The following GADL1 variants were observed in gnomAD, a reference collection of about 807,000 sequenced individuals.
The protein encoded by GADL1 is acidic amino acid decarboxylase GADL1.
Under a neutral mutation model 69.5 loss-of-function variants are expected in GADL1, and 71 were observed. That is an observed-to-expected ratio of 1.02 (90% CI 0.84 to 1.25). GADL1 has a LOEUF of 1.25. Among genes scored for constraint, GADL1 ranks in the 50% most tolerant of loss-of-function variants. GADL1 has a pLI of 0.00. For missense variants in GADL1, 737 were observed against 631.8 expected (o/e 1.17, Z -1.79); for synonymous variants, 254 against 214.4 (o/e 1.18, Z -1.62).
intron 11 of GADL1, among the ~76,000 whole-genome samples, chr3:30,829,353 A>G (rs1409469422): frequency 6.6e-6 from 1 of 151,942 alleles, no homozygotes; most frequent in Non-Finnish European, 1.5e-5. Context: ...ACTACCAGTC[A>G]ATCAGGAAAT....
intron 4 of GADL1, among the ~76,000 whole-genome samples, 164 bp from the exon 5 acceptor site, chr3:30,851,105 G>A (rs1192205743): frequency 6.6e-6 from 1 of 152,208 alleles, no homozygotes; most frequent in Non-Finnish European, 1.5e-5. Flanking sequence ...ATCAGTGACA[G>A]CACTAGTCAT....
At chr3:30,868,100 G>C (rs890801582) in intron 1 of GADL1, among the ~76,000 whole-genome samples, 1 of 151,976 alleles carries the variant, frequency 6.6e-6, no homozygotes, top group Admixed American at 6.6e-5. Flanking sequence ...CTTTTCCTGA[G>C]AGTGACTCCA....
chr3:30,779,437 CAT>C (rs1216355169), intron 13 of GADL1, among the ~76,000 whole-genome samples: 3 of 152,346 alleles, frequency 2.0e-5, no homozygotes, highest in African/African-American at 2.4e-5. Flanking sequence ...CCCATCATCT[CAT>C]ATCTTAATAA....
chr3:30,728,337 T>C lies in GADL1; in HGVS notation c.1471A>G (p.Asn491Asp). The C allele has an allele frequency of 6.2e-7, 1 of 1,613,896 alleles. No homozygotes were observed. Among genetic ancestry groups the C allele is most frequent in the Non-Finnish European group, 8.5e-7 (1 of 1,179,840 alleles). ...CTGATCACCACCTGGCGGAAGAAGT[T>C]GACCTTTCCCCGGTGCGGCTGGTAG... ...LGYQPHRGKV[N>D]FFRQVVISPQ... Residue 491 changes from asparagine (N) to aspartate (D), a missense_variant, in exon 15 of 15, where the codon AAC becomes GAC. Coordinates refer to ENST00000282538, the MANE Select transcript of GADL1 (RefSeq NM_207359.3).
At chr3:30,739,004 GC>G (rs1695577995) in intron 14 of GADL1, among the ~76,000 whole-genome samples, 1 of 152,156 alleles carries the variant, frequency 6.6e-6, no homozygotes. Context: ...GCCACTGACA[GC>G]CAACGAGGCT....
At chr3:30,795,609 T>C (rs976290030) in intron 12 of GADL1, among the ~76,000 whole-genome samples, 2 of 152,026 alleles carry the variant, frequency 1.3e-5, no homozygotes, top group African/African-American at 4.8e-5. Context: ...AAATATTCTA[T>C]CTTTCCTAAA....
chr3:30,890,259 G>A (rs892178076), intron 1 of GADL1, among the ~76,000 whole-genome samples: 1 of 152,146 alleles, frequency 6.6e-6, no homozygotes, highest in African/African-American at 2.4e-5. Context: ...AATCATTCAT[G>A]TATGAGTTTA....
At chr3:30,752,117 G>C (rs191855773) in intron 14 of GADL1, among the ~76,000 whole-genome samples, 1 of 152,144 alleles carries the variant, frequency 6.6e-6, no homozygotes, top group Non-Finnish European at 1.5e-5. Flanking sequence ...CACACACACA[G>C]TGGTACCTGA....
chr3:30,846,287 A>T (rs749423738), intron 6 of GADL1, among the ~76,000 whole-genome samples: 6 of 152,012 alleles, frequency 3.9e-5, no homozygotes, highest in Non-Finnish European at 5.9e-5. Context: ...CTAAGACTCA[A>T]CCTCCCCACA....
At chr3:30,809,317 A>G (rs144625834) in intron 11 of GADL1, among the ~76,000 whole-genome samples, 6 of 152,166 alleles carry the variant, frequency 3.9e-5, no homozygotes, top group Admixed American at 2.0e-4. Flanking sequence ...TCCGGTTTGC[A>G]TACAGCTTGG....
intron 14 of GADL1, among the ~76,000 whole-genome samples, chr3:30,750,988 T>A (rs1050080196): frequency 6.6e-6 from 1 of 151,784 alleles, no homozygotes; most frequent in Non-Finnish European, 1.5e-5. Context: ...GAGAAAGAAG[T>A]AAAGAACTAT....
At chr3:30,847,356 A>C (rs1272512546) in intron 6 of GADL1, among the ~76,000 whole-genome samples, 1 of 152,206 alleles carries the variant, frequency 6.6e-6, no homozygotes, top group East Asian at 1.9e-4. Flanking sequence ...GAAATGGAGT[A>C]ATTTGGGGTA....
chr3:30,764,079 GTTT>G (rs1426004268), intron 14 of GADL1, among the ~76,000 whole-genome samples: 1 of 152,044 alleles, frequency 6.6e-6, no homozygotes, highest in Non-Finnish European at 1.5e-5. Flanking sequence ...AGCATAGAAA[GTTT>G]TAACATTCAT....
chr3:30,731,222 C>G (rs1479209773), intron 14 of GADL1, among the ~76,000 whole-genome samples: 1 of 152,170 alleles, frequency 6.6e-6, no homozygotes, highest in Non-Finnish European at 1.5e-5. Flanking sequence ...TCTTCATGTT[C>G]CTCTCCTTCG....
At position 30,854,781 on chromosome 3, in the gene GADL1, T is replaced by A. The variant is rs1488409872; in HGVS notation, c.346A>T (p.Arg116Ter). Reference sequence around the variant, plus strand: ...CCAGCATACAATTGGTTGAAAAATCTTGGGTGGTCTGTAAATTTAAAATGG... The same window carrying A: ...CCAGCATACAATTGGTTGAAAAATCATGGGTGGTCTGTAAATTTAAAATGG... ...IHYSVKTNHP[R>*]FFNQLYAGLD... The change falls in exon 4 of 15, where the codon AGA (arginine) becomes TGA (stop). Residue 116 changes from arginine (R) to a stop codon, truncating the protein, a stop_gained. Transcript: ENST00000282538. LOFTEE classifies it high-confidence loss of function. The A allele has an allele frequency of 6.5e-7, 1 of 1,542,600 alleles. No homozygotes were observed. Among genetic ancestry groups the A allele is most frequent in the East Asian group, 2.4e-5 (1 of 40,820 alleles).
chr3:30,883,640 C>G (rs1256647099), intron 1 of GADL1, among the ~76,000 whole-genome samples: 2 of 151,874 alleles, frequency 1.3e-5, no homozygotes, highest in Non-Finnish European at 2.9e-5. Context: ...CTTGAAATGC[C>G]ATGTGAATTT....
intron 14 of GADL1, among the ~76,000 whole-genome samples, chr3:30,764,326 G>A (rs115578898): frequency 0.026 from 3,884 of 152,112 alleles, 165 homozygotes; most frequent in African/African-American, 0.089. Flanking sequence ...CTGGTGTGTA[G>A]ACTCTAAGAG....
intron 14 of GADL1, among the ~76,000 whole-genome samples, chr3:30,773,223 A>G (rs1281356043): frequency 1.3e-5 from 2 of 152,230 alleles, no homozygotes; most frequent in Non-Finnish European, 2.9e-5. Context: ...TATATTTCTA[A>G]GGTAATACAT....
chr3:30,826,612 G>A (rs544746905), intron 11 of GADL1, among the ~76,000 whole-genome samples: 25 of 151,952 alleles, frequency 1.6e-4, no homozygotes, highest in Admixed American at 1.4e-3. Flanking sequence ...TTGGGAGACC[G>A]TTGGCCAAGA....
Sources: allele counts gnomAD v4.1 joint callset (sites outside exome capture counted in the v4.1 genomes callset), GRCh38; gene constraint gnomAD v4.1.1; transcripts MANE v1.5; gene names NCBI Gene and HGNC (gene_info 2026-07-23, HGNC 2026-07-21).